GATAD2B: variants seen among roughly 807,000 people sequenced by gnomAD.
GATAD2B encodes the protein GATA zinc finger domain containing 2B.
In GATAD2B, 8 loss-of-function variants were observed where a neutral mutation model predicts 64.3. The ratio of observed to expected loss-of-function variants is 0.12; its 90% CI spans 0.07 to 0.22. The LOEUF (loss-of-function observed/expected upper bound fraction) is 0.22. Among genes scored for constraint, GATAD2B ranks in the 10% least tolerant of loss-of-function variants. The pLI is 1.00. For missense variants in GATAD2B, 453 were observed against 752.0 expected, an observed-to-expected ratio of 0.60 and a Z score of 4.65; for synonymous variants, 281 against 271.3, an observed-to-expected ratio of 1.04 and a Z score of -0.35.
At chr1:153,844,367 A>T (rs1675608691) in intron 1 of GATAD2B, among the ~76,000 whole-genome samples, 2 of 151,588 alleles carry the variant, frequency 1.3e-5, no homozygotes, top group African/African-American at 4.9e-5. Context: ...GCACTAGGGA[A>T]TTTTTAGCCC....
intron 1 of GATAD2B, among the ~76,000 whole-genome samples, chr1:153,917,637 C>T (rs576869928): frequency 1.1e-4 from 17 of 151,862 alleles, no homozygotes; most frequent in Non-Finnish European, 2.1e-4. Context: ...TCATGTGATC[C>T]GCCCGCCTCA....
intron 1 of GATAD2B, among the ~76,000 whole-genome samples, chr1:153,877,955 G>T (rs994786634): frequency 2.1e-4 from 31 of 150,992 alleles, no homozygotes; most frequent in African/African-American, 7.5e-4. Flanking sequence ...AACAATGAAT[G>T]AATCTTTACC....
At chr1:153,874,266 GA>G (rs150655980) in intron 1 of GATAD2B, among the ~76,000 whole-genome samples, 158 of 145,234 alleles carry the variant, frequency 1.1e-3, no homozygotes, top group African/African-American at 3.8e-3. Context: ...CGTCTCAAAA[GA>G]AAAAAAAAAG....
intron 7 of GATAD2B, 77 bp from the exon 8 acceptor site, chr1:153,813,529 CAGG>C (rs1163973419): frequency 1.0e-6 from 1 of 985,890 alleles, no homozygotes; most frequent in Non-Finnish European, 1.6e-6. Flanking sequence ...AGATCTTTTC[CAGG>C]AGTTTATTCT....
intron 1 of GATAD2B, among the ~76,000 whole-genome samples, chr1:153,902,693 C>G (rs962608478): frequency 1.3e-5 from 2 of 152,046 alleles, no homozygotes; most frequent in Non-Finnish European, 2.9e-5. Flanking sequence ...TGGGCTCAAG[C>G]AGTCCTCCCA....
intron 1 of GATAD2B, among the ~76,000 whole-genome samples, chr1:153,832,636 T>C (rs924328131): frequency 4.6e-5 from 7 of 152,240 alleles, no homozygotes; most frequent in Non-Finnish European, 5.9e-5. Flanking sequence ...TACATTTTTT[T>C]CCCTTTTTAA....
chr1:153,839,350 GA>G (rs1675394281), intron 1 of GATAD2B, among the ~76,000 whole-genome samples: 1 of 152,022 alleles, frequency 6.6e-6, no homozygotes, highest in Non-Finnish European at 1.5e-5. Flanking sequence ...GAGGATAGGG[GA>G]ATGAAGAGGG....
chr1:153,914,040 C>T (rs564085361), intron 1 of GATAD2B, among the ~76,000 whole-genome samples: 9 of 151,732 alleles, frequency 5.9e-5, no homozygotes, highest in South Asian at 2.1e-4. Flanking sequence ...GTCAGGAGTT[C>T]GAGACCAGCC....
intron 1 of GATAD2B, among the ~76,000 whole-genome samples, chr1:153,904,612 T>C (rs554342469): frequency 1.3e-5 from 2 of 151,994 alleles, no homozygotes; most frequent in Non-Finnish European, 2.9e-5. Context: ...CATGACCTCA[T>C]CTCACTGCAA....
At chr1:153,875,766 C>T (rs1446180251) in intron 1 of GATAD2B, among the ~76,000 whole-genome samples, 4 of 151,254 alleles carry the variant, frequency 2.6e-5, no homozygotes, top group Non-Finnish European at 5.9e-5. Context: ...TAAACAAACC[C>T]AACAGACAGG....
At chr1:153,827,544 A>C (rs975379677) in intron 2 of GATAD2B, 1 of 163,350 alleles carries the variant, frequency 6.1e-6, no homozygotes, top group African/African-American at 2.4e-5. Context: ...TACAGCAAGA[A>C]TGCAGAGACT....
In GATAD2B at chr1:153,865,167, C is replaced by T. The variant is rs139425820; in HGVS notation, c.-1-36819G>A. 5.0e-3 allele frequency among the ~76,000 whole-genome samples: 749 copies of T among 150,546 alleles called. 15 individuals are homozygous for T. Among genetic ancestry groups the T allele is most frequent in the Admixed American group, 0.038 (578 of 15,108 alleles). ...ATAGGAAAGTCATGATTAAAATCTA[C>T]GTCTAATTCTGGCCAGGCACAGTGG... On this transcript the variant is annotated intron_variant, in intron 1 of 10. Coordinates refer to ENST00000368655, the MANE Select transcript of GATAD2B (RefSeq NM_020699.4).
chr1:153,821,278 C>T lies in GATAD2B; in HGVS notation c.336-1543G>A, dbSNP rs558253163. Among the ~76,000 whole-genome samples, 451 of 152,106 alleles carry T rather than the reference C, an allele frequency of 3.0e-3. 1 individual carries two copies. Among genetic ancestry groups the T allele is most frequent in the Non-Finnish European group, 4.9e-3 (331 of 67,980 alleles). ...GAATTACAGGTGTGAGCCACCATGC[C>T]CAGCCAGGACATGGATACTTTTGAA... is the stretch of plus-strand genomic sequence containing the variant. On this transcript the variant is annotated intron_variant, in intron 2 of 10. Transcript: ENST00000368655.
intron 1 of GATAD2B, among the ~76,000 whole-genome samples, chr1:153,901,581 T>C (rs1043023266): frequency 7.2e-5 from 11 of 152,116 alleles, no homozygotes; most frequent in African/African-American, 1.7e-4. Flanking sequence ...TCCCAGCACT[T>C]TGAGAGGCCG....
At chr1:153,854,765 T>G (rs183877198) in intron 1 of GATAD2B, among the ~76,000 whole-genome samples, 3 of 152,242 alleles carry the variant, frequency 2.0e-5, no homozygotes, top group Non-Finnish European at 4.4e-5. Context: ...ATAAACAAAA[T>G]AACTCCACAG....
chr1:153,865,012 G>A (rs1676428567), intron 1 of GATAD2B, among the ~76,000 whole-genome samples: 1 of 152,146 alleles, frequency 6.6e-6, no homozygotes. Flanking sequence ...GGAGGTTGCG[G>A]TAAGCCGAGA....
chr1:153,878,513 C>A (rs1676905228), intron 1 of GATAD2B, among the ~76,000 whole-genome samples: 1 of 152,108 alleles, frequency 6.6e-6, no homozygotes, highest in Non-Finnish European at 1.5e-5. Flanking sequence ...CCAAAAAATA[C>A]AGACGTTCAA....
intron 1 of GATAD2B, among the ~76,000 whole-genome samples, chr1:153,917,188 T>G (rs990457213): frequency 1.6e-4 from 24 of 148,088 alleles, no homozygotes; most frequent in Non-Finnish European, 3.0e-4. Flanking sequence ...AACCTCCACC[T>G]CCTGGGTTCA....
intron 2 of GATAD2B, among the ~76,000 whole-genome samples, chr1:153,825,680 C>G (rs992385255): frequency 3.9e-5 from 6 of 151,966 alleles, no homozygotes; most frequent in Non-Finnish European, 7.4e-5. Context: ...CCCGCCTCGG[C>G]CTCAAAGTGC....
Sources: allele counts gnomAD v4.1 joint callset (sites outside exome capture counted in the v4.1 genomes callset), GRCh38; gene constraint gnomAD v4.1.1; transcripts MANE v1.5; gene names NCBI Gene and HGNC (gene_info 2026-07-23, HGNC 2026-07-21).